The following PRKN variants were observed in gnomAD, a reference collection of about 807,000 sequenced individuals.
The protein encoded by PRKN is parkin RBR E3 ubiquitin protein ligase, also known as E3 ubiquitin-protein ligase parkin.
A neutral mutation model predicts 59.5 loss-of-function variants in PRKN; 56 were observed. The ratio of observed to expected loss-of-function variants is 0.94; its 90% confidence interval spans 0.76 to 1.18. The LOEUF is 1.18. PRKN is among the 50% of genes most tolerant of loss of function. The probability of loss-of-function intolerance (pLI) is 0.00; values close to 1 mark genes in which losing one functional copy is unlikely to be tolerated. For synonymous variants in PRKN, 250 were observed against 222.1 expected (o/e 1.13, Z -1.12); for missense variants, 657 against 596.4 (o/e 1.10, Z -1.06).
chr6:161,636,782 T>C (rs540251364), intron 7 of PRKN, among the ~76,000 whole-genome samples: 3 of 151,992 alleles, frequency 2.0e-5, no homozygotes, highest in African/African-American at 4.8e-5. Flanking sequence ...CCAACAGAAA[T>C]ACAGGCCTGT....
chr6:162,209,893 T>C (rs1372587924), intron 3 of PRKN, among the ~76,000 whole-genome samples: 3 of 145,174 alleles, frequency 2.1e-5, no homozygotes, highest in African/African-American at 7.8e-5. Context: ...CACTCATAGG[T>C]GGGAATTGAA....
intron 4 of PRKN, among the ~76,000 whole-genome samples, chr6:162,192,968 G>A (rs750399967): frequency 5.9e-5 from 9 of 152,086 alleles, no homozygotes; most frequent in Admixed American, 1.3e-4. Context: ...GGGAACTTGC[G>A]TCTGCAAGAC....
At chr6:162,643,424 G>GA (rs1257354272) in intron 1 of PRKN, among the ~76,000 whole-genome samples, 1 of 131,814 alleles carries the variant, frequency 7.6e-6, no homozygotes, top group Non-Finnish European at 1.6e-5. Flanking sequence ...AAGAAAGAAA[G>GA]AACAACAAGC....
At chr6:162,664,176 G>A (rs1394564282) in intron 1 of PRKN, among the ~76,000 whole-genome samples, 1 of 152,090 alleles carries the variant, frequency 6.6e-6, no homozygotes, top group Non-Finnish European at 1.5e-5. Context: ...AGTTTGCTGA[G>A]GATGATGGCT....
intron 3 of PRKN, among the ~76,000 whole-genome samples, chr6:162,209,923 C>A (rs1376995885): frequency 3.4e-5 from 5 of 147,584 alleles, no homozygotes; most frequent in Non-Finnish European, 7.4e-5. Flanking sequence ...CACTTGGATG[C>A]AGGGCGGGGA....
intron 6 of PRKN, among the ~76,000 whole-genome samples, chr6:161,794,078 G>A (rs1790743912): frequency 6.6e-6 from 1 of 151,990 alleles, no homozygotes; most frequent in African/African-American, 2.4e-5. Flanking sequence ...TTGATTTTAT[G>A]CATCTCGTGG....
At chr6:162,184,643 C>T (rs57933654) in intron 4 of PRKN, among the ~76,000 whole-genome samples, 33,657 of 151,992 alleles carry the variant, frequency 0.22, 4,339 homozygotes, top group African/African-American at 0.36. Flanking sequence ...GTGAGTCAGT[C>T]AAACCTGTTT....
chr6:162,552,984 G>A (rs1007766852), intron 1 of PRKN, among the ~76,000 whole-genome samples: 1 of 152,164 alleles, frequency 6.6e-6, no homozygotes, highest in Non-Finnish European at 1.5e-5. Flanking sequence ...GAACAAACGA[G>A]AGGAGCATCT....
At chr6:162,057,490 G>A (rs759183662) in intron 4 of PRKN, among the ~76,000 whole-genome samples, 6 of 152,122 alleles carry the variant, frequency 3.9e-5, no homozygotes, top group Admixed American at 6.5e-5. Flanking sequence ...ATATTCACTC[G>A]ATAAAAGTTA....
At chr6:161,738,895 T>C (rs553066893) in intron 7 of PRKN, among the ~76,000 whole-genome samples, 22 of 152,338 alleles carry the variant, frequency 1.4e-4, no homozygotes, top group Middle Eastern at 3.4e-3. Context: ...GAGCATCTAA[T>C]AATTTCACTA....
chr6:162,050,396 T>A (rs1376082184), intron 5 of PRKN, among the ~76,000 whole-genome samples: 1 of 152,212 alleles, frequency 6.6e-6, no homozygotes. Context: ...TTTTCATTTC[T>A]GTTACATGAG....
At chr6:162,712,365 C>A (rs1490479260) in intron 1 of PRKN, among the ~76,000 whole-genome samples, 3 of 152,116 alleles carry the variant, frequency 2.0e-5, no homozygotes, top group Non-Finnish European at 4.4e-5. Flanking sequence ...TGTCTAACCC[C>A]AGACAAAGAG....
intron 6 of PRKN, among the ~76,000 whole-genome samples, chr6:161,870,866 A>G (rs1794313135): frequency 6.6e-6 from 1 of 152,118 alleles, no homozygotes; most frequent in Non-Finnish European, 1.5e-5. Context: ...GTAACTAGAG[A>G]ACTCTGGGGA....
chr6:161,877,710 T>C (rs908929018), intron 6 of PRKN, among the ~76,000 whole-genome samples: 1 of 151,970 alleles, frequency 6.6e-6, no homozygotes, highest in Non-Finnish European at 1.5e-5. Context: ...CCTCATGATC[T>C]GCCCGCCTCA....
At chr6:161,693,149 T>G (rs565303115) in intron 7 of PRKN, among the ~76,000 whole-genome samples, 1 of 152,230 alleles carries the variant, frequency 6.6e-6, no homozygotes, top group Admixed American at 6.5e-5. Context: ...TTAAAAAGCT[T>G]ATAAAACATA....
intron 2 of PRKN, among the ~76,000 whole-genome samples, chr6:162,278,953 G>T (rs924679809): frequency 6.6e-6 from 1 of 151,732 alleles, no homozygotes; most frequent in Non-Finnish European, 1.5e-5. Context: ...GCTATAAATA[G>T]ATTTTTTTAA....
chr6:162,447,415 AT>A (rs1790371362), intron 1 of PRKN, among the ~76,000 whole-genome samples: 1 of 152,306 alleles, frequency 6.6e-6, no homozygotes, highest in Middle Eastern at 3.4e-3. Flanking sequence ...CATTGTTTTA[AT>A]AATTGTTTTG....
intron 10 of PRKN, among the ~76,000 whole-genome samples, chr6:161,380,624 C>T (rs1233003114): frequency 1.3e-5 from 2 of 151,960 alleles, no homozygotes; most frequent in African/African-American, 2.4e-5. Context: ...TACTGAGCAT[C>T]CTTCTTCTTC....
chr6:161,731,213 T>C (rs190497102), intron 7 of PRKN, among the ~76,000 whole-genome samples: 25 of 152,270 alleles, frequency 1.6e-4, no homozygotes, highest in African/African-American at 2.9e-4. Flanking sequence ...TGGAGCTGTA[T>C]GCAGGGTTAC....
Sources: gnomAD v4.1 joint callset for allele counts (sites outside exome capture counted in the v4.1 genomes callset) on GRCh38, gnomAD v4.1.1 for gene constraint, MANE v1.5 for transcripts, NCBI Gene and HGNC (gene_info 2026-07-23, HGNC 2026-07-21) for gene names.